Variants in SPOCK3 observed in about 807,000 individuals in gnomAD.
SPOCK3 encodes the protein SPARC (osteonectin), cwcv and kazal like domains proteoglycan 3, also known as testican-3.
SPOCK3 carries 30 observed loss-of-function variants against 56.6 expected under a neutral mutation model. The ratio of observed to expected loss-of-function variants is 0.53; its 90% CI spans 0.40 to 0.72. The LOEUF (loss-of-function observed/expected upper bound fraction) is 0.72. Ranked by LOEUF, SPOCK3 falls within the 30% of genes least tolerant of loss-of-function variation. The pLI is 0.00. For synonymous variants in SPOCK3, 196 were observed against 183.3 expected (o/e 1.07, Z -0.56); for missense variants, 527 against 530.0 (o/e 0.99, Z 0.06).
chr4:166,816,951 G>C (rs945430927), intron 6 of SPOCK3, among the ~76,000 whole-genome samples: 1 of 151,960 alleles, frequency 6.6e-6, no homozygotes, highest in Non-Finnish European at 1.5e-5. Flanking sequence ...TTTCCACTTT[G>C]TGTTAGAAGA....
rs534968849 is a variant in SPOCK3, at chr4:167,203,030, G to C, written c.189+30955C>G. ...ATTGATGCATACACAATTAAAACCTGATTATTCCTAATGTGTGAATAAATT... is the reference window on the plus strand; with the variant it reads ...ATTGATGCATACACAATTAAAACCTCATTATTCCTAATGTGTGAATAAATT... On this transcript the variant is annotated intron_variant, in intron 2 of 10. Transcript: ENST00000357545. Among the ~76,000 whole-genome samples, 3 of 151,896 alleles carry C rather than the reference G, an allele frequency of 2.0e-5. No homozygotes were observed. The South Asian group carries it at 6.2e-4, about 31-fold the overall frequency.
chr4:167,167,350 C>T (rs144628126), intron 2 of SPOCK3, among the ~76,000 whole-genome samples: 5 of 152,084 alleles, frequency 3.3e-5, no homozygotes, highest in Non-Finnish European at 5.9e-5. Flanking sequence ...GTATTTTTAC[C>T]AAGATTCCTC....
chr4:167,078,695 A>G (rs1757435285), intron 2 of SPOCK3, among the ~76,000 whole-genome samples: 1 of 151,782 alleles, frequency 6.6e-6, no homozygotes, highest in African/African-American at 2.4e-5. Context: ...ACCTCAATTT[A>G]CAGATGAGAA....
chr4:166,819,265 A>G (rs1164002659), intron 6 of SPOCK3, among the ~76,000 whole-genome samples: 1 of 152,070 alleles, frequency 6.6e-6, no homozygotes, highest in African/African-American at 2.4e-5. Context: ...TGCAACTAAC[A>G]TCATAATTGA....
intron 8 of SPOCK3, among the ~76,000 whole-genome samples, chr4:166,743,958 G>A (rs1322768379): frequency 6.6e-6 from 1 of 152,188 alleles, no homozygotes; most frequent in African/African-American, 2.4e-5. Context: ...CAGCCAGGAA[G>A]CTCGATCTGG....
chr4:166,995,375 T>C (rs892718471), intron 4 of SPOCK3, among the ~76,000 whole-genome samples: 6 of 152,028 alleles, frequency 3.9e-5, no homozygotes, highest in Non-Finnish European at 7.4e-5. Flanking sequence ...CAAAGTACAA[T>C]GACCATTTGT....
At chr4:167,207,143 T>C (rs1734424679) in intron 2 of SPOCK3, among the ~76,000 whole-genome samples, 1 of 152,112 alleles carries the variant, frequency 6.6e-6, no homozygotes, top group African/African-American at 2.4e-5. Flanking sequence ...TGTCTATAAG[T>C]TGTTTTTATT....
chr4:166,985,657 T>C (rs956297240), intron 4 of SPOCK3, among the ~76,000 whole-genome samples: 1 of 152,128 alleles, frequency 6.6e-6, no homozygotes, highest in African/African-American at 2.4e-5. Flanking sequence ...ATGAACCACA[T>C]TTTCTTGCAC....
intron 2 of SPOCK3, among the ~76,000 whole-genome samples, chr4:167,202,434 T>C (rs577306486): frequency 1.3e-5 from 2 of 152,108 alleles, no homozygotes; most frequent in South Asian, 4.1e-4. Flanking sequence ...TATAGTCAGC[T>C]TTGTGAAAGT....
chr4:167,044,388 T>A (rs1338307910), intron 3 of SPOCK3, among the ~76,000 whole-genome samples: 1 of 151,928 alleles, frequency 6.6e-6, no homozygotes, highest in Non-Finnish European at 1.5e-5. Flanking sequence ...AGAACCAGTT[T>A]CTGGTTTTGT....
chr4:167,204,819 A>C (rs1733871637), intron 2 of SPOCK3, among the ~76,000 whole-genome samples: 1 of 151,668 alleles, frequency 6.6e-6, no homozygotes, highest in African/African-American at 2.4e-5. Context: ...TGTCCTAATG[A>C]AAATCATATT....
rs953789694 is a variant in SPOCK3, at chr4:167,192,447, A to C, written c.189+41538T>G. Among the ~76,000 whole-genome samples, 8 of 145,770 alleles carry C rather than the reference A, an allele frequency of 5.5e-5. 1 individual carries two copies. Among genetic ancestry groups the C allele is most frequent in the Middle Eastern group, 3.4e-3 (1 of 290 alleles). On this transcript the variant is annotated intron_variant, in intron 2 of 10. Coordinates refer to ENST00000357545, the MANE Select transcript of SPOCK3 (RefSeq NM_001040159.2). ...TATTTGTTGAGAGACTTTTTTATTAATGTGTCAATCTTCACCCTTGTTATT... is the reference window on the plus strand; with the variant it reads ...TATTTGTTGAGAGACTTTTTTATTACTGTGTCAATCTTCACCCTTGTTATT...
intron 2 of SPOCK3, among the ~76,000 whole-genome samples, chr4:167,167,379 G>T (rs535468489): frequency 1.2e-4 from 18 of 152,116 alleles, no homozygotes; most frequent in Non-Finnish European, 2.4e-4. Context: ...ACTGCCTTTG[G>T]CAATTCCTAA....
intron 2 of SPOCK3, among the ~76,000 whole-genome samples, chr4:167,209,208 G>A (rs1350703105): frequency 6.6e-6 from 1 of 152,016 alleles, no homozygotes; most frequent in Non-Finnish European, 1.5e-5. Flanking sequence ...CCATGATATG[G>A]AATGTTCCAT....
At chr4:166,963,763 A>T (rs72697576) in intron 4 of SPOCK3, among the ~76,000 whole-genome samples, 1 of 151,896 alleles carries the variant, frequency 6.6e-6, no homozygotes, top group African/African-American at 2.4e-5. Context: ...CATGAATATG[A>T]ATACAGTGTT....
intron 7 of SPOCK3, among the ~76,000 whole-genome samples, chr4:166,769,570 G>A (rs1384952068): frequency 2.0e-5 from 3 of 152,150 alleles, no homozygotes; most frequent in Admixed American, 1.3e-4. Context: ...AGGGGTACCT[G>A]GCCATGTGAG....
chr4:166,921,192 G>T (rs1394328172), intron 4 of SPOCK3, among the ~76,000 whole-genome samples: 1 of 152,078 alleles, frequency 6.6e-6, no homozygotes. Context: ...CCAATCACAT[G>T]TCTGATTTTT....
intron 2 of SPOCK3, among the ~76,000 whole-genome samples, chr4:167,135,757 CAA>C (rs1430192104): frequency 6.7e-6 from 1 of 148,716 alleles, no homozygotes; most frequent in African/African-American, 2.5e-5. Context: ...GAAACTAAAA[CAA>C]AAGTTTTAGT....
chr4:167,108,509 T>A (rs1760382655), intron 2 of SPOCK3, among the ~76,000 whole-genome samples: 1 of 151,882 alleles, frequency 6.6e-6, no homozygotes, highest in Non-Finnish European at 1.5e-5. Flanking sequence ...TGCAACAACA[T>A]GGATGGAACT....
Sources: gnomAD v4.1 joint callset for allele counts (sites outside exome capture counted in the v4.1 genomes callset) on GRCh38, gnomAD v4.1.1 for gene constraint, MANE v1.5 for transcripts, NCBI Gene and HGNC (gene_info 2026-07-23, HGNC 2026-07-21) for gene names.